PCDHA8: variants seen among roughly 807,000 people sequenced by gnomAD.
The protein encoded by PCDHA8 is protocadherin alpha 8.
A neutral mutation model predicts 61.8 loss-of-function variants in PCDHA8; 53 were observed. That is an observed-to-expected ratio of 0.86 (90% CI 0.69 to 1.08). The LOEUF (loss-of-function observed/expected upper bound fraction) is 1.08, where lower values mean the gene tolerates loss of function less well. Ranked by LOEUF, PCDHA8 falls within the 50% of genes least tolerant of loss-of-function variation. The pLI, the probability that PCDHA8 is intolerant of heterozygous loss-of-function variation, is 0.00. For missense variants in PCDHA8, 1,293 were observed against 1,245.0 expected (o/e 1.04, Z -0.58); for synonymous variants, 618 against 556.6 (o/e 1.11, Z -1.55).
At position 140,855,056 on chromosome 5, in the gene PCDHA8, G is replaced by A. The variant is rs1045590902; in HGVS notation, c.2394+11341G>A. The stretch of plus-strand genomic sequence containing the variant: ...GATTTTTCTGTAATAGTACTTTTCT[G>A]TTTTCTTAAATACAGAAACCACCAC... On this transcript the variant is annotated intron_variant, in intron 1 of 3. Coordinates refer to ENST00000531613, the MANE Select transcript of PCDHA8 (RefSeq NM_018911.3). Among the ~76,000 whole-genome samples, 11 of 149,630 alleles carry A rather than the reference G, an allele frequency of 7.4e-5. 2 individuals are homozygous for A. The highest frequency in any genetic ancestry group is 1.6e-4 in the Non-Finnish European group (11 of 66,976).
At position 140,843,459 on chromosome 5, in the gene PCDHA8, T is replaced by C. The variant is rs2150360511; in HGVS notation, c.2138T>C (p.Leu713Pro). The change falls in exon 1 of 4, where the codon CTC (leucine) becomes CCC (proline). Residue 713 changes from leucine (L) to proline (P), a missense_variant. Leu to Pro is a moderately conservative substitution (Grantham distance 98, BLOSUM62 -3). Transcript: ENST00000531613. ...TGCGCGGTATCCAGCCTGCTGGTGC[T>C]CACGCTGCTGCTGTACACTGCGCTG... is the stretch of plus-strand genomic sequence containing the variant. ...AICAVSSLLV[L>P]TLLLYTALRC... 4 of 1,596,020 alleles carry C rather than the reference T, an allele frequency of 2.5e-6. No homozygotes were observed. The highest frequency in any genetic ancestry group is 3.4e-6 in the Non-Finnish European group (4 of 1,165,608).
chr5:140,929,443 T>C, intron 1 of PCDHA8: 1 of 1,426,882 alleles, frequency 7.0e-7, no homozygotes, highest in Non-Finnish European at 9.3e-7. Flanking sequence ...AAACACTCCT[T>C]CTTAGCACTT....
rs185799175 is a variant in PCDHA8, at chr5:140,887,220, C to G, written c.2394+43505C>G. ...CACGCCATTCTCCTGCCTCAGCCTC[C>G]CGAGTAGCTGAGACTACCGGCGCCC... On this transcript the variant is annotated intron_variant, in intron 1 of 3. Coordinates refer to ENST00000531613, the MANE Select transcript of PCDHA8 (RefSeq NM_018911.3). Among the ~76,000 whole-genome samples, 14 of 152,078 alleles carry G rather than the reference C, an allele frequency of 9.2e-5. No individual in the cohort carries two copies. In the East Asian group the frequency reaches 2.7e-3, roughly 30 times the overall value.
At chr5:140,952,380 G>A (rs246035) in intron 1 of PCDHA8, among the ~76,000 whole-genome samples, 85,175 of 151,100 alleles carry the variant, frequency 0.56, 24,638 homozygotes, top group African/African-American at 0.69. Flanking sequence ...CCTCTGCCAG[G>A]TACCCTAAAC....
chr5:140,869,998 G>A (rs782322898), intron 1 of PCDHA8: 1 of 1,613,436 alleles, frequency 6.2e-7, no homozygotes. Context: ...TCAAAATAAT[G>A]GAGAAGTGAG....
intron 1 of PCDHA8, chr5:140,857,005 A>C: frequency 6.3e-7 from 1 of 1,595,528 alleles, no homozygotes; most frequent in East Asian, 2.2e-5. Context: ...AAATTCATGT[A>C]GATGTTACAG....
intron 1 of PCDHA8, among the ~76,000 whole-genome samples, chr5:140,915,001 AGT>A (rs1563002922): frequency 6.9e-6 from 1 of 144,988 alleles, no homozygotes; most frequent in Non-Finnish European, 1.5e-5. Flanking sequence ...GCTGGAGTGC[AGT>A]GGCCTGATCT....
chr5:140,917,039 A>G (rs1279228933), intron 1 of PCDHA8, among the ~76,000 whole-genome samples: 1 of 152,132 alleles, frequency 6.6e-6, no homozygotes, highest in African/African-American at 2.4e-5. Flanking sequence ...TGAGTCCAGC[A>G]CAGTGTTGTT....
chr5:140,843,503 A>C lies in PCDHA8; in HGVS notation c.2182A>C (p.Thr728Pro). The change falls in exon 1 of 4, where the codon ACT (threonine) becomes CCT (proline). Residue 728 changes from threonine (T) to proline (P), a missense_variant. By Grantham distance (38) the Thr-to-Pro change is conservative (BLOSUM62 -1). Coordinates refer to ENST00000531613, the MANE Select transcript of PCDHA8 (RefSeq NM_018911.3). ...YTALRCSALP[T>P]EGGCRAGKPT... is the part of the protein sequence containing the mutation. ...TGCGCTGCGGTGCTCAGCACTGCCC[A>C]CTGAGGGCGGGTGCCGGGCGGGCAA... The C allele has an allele frequency of 6.3e-7, 1 of 1,595,796 alleles. No individual in the cohort carries two copies.
chr5:140,928,082 T>G, intron 1 of PCDHA8: 1 of 1,614,212 alleles, frequency 6.2e-7, no homozygotes, highest in Non-Finnish European at 8.5e-7. Context: ...TACTACAGCC[T>G]GCTGATTGAT....
chr5:140,845,497 T>C (rs1779898146), intron 1 of PCDHA8, among the ~76,000 whole-genome samples: 1 of 149,728 alleles, frequency 6.7e-6, no homozygotes, highest in African/African-American at 2.4e-5. Context: ...AGTGAGAAAG[T>C]CTAAACCTAT....
intron 1 of PCDHA8, chr5:140,870,541 G>A: frequency 1.2e-6 from 2 of 1,614,136 alleles, no homozygotes; most frequent in Non-Finnish European, 8.5e-7. Flanking sequence ...GTCGGCGCGG[G>A]ACGCGGACGC....
At position 140,877,378 on chromosome 5, in the gene PCDHA8, A is replaced by G; in HGVS notation, c.2394+33663A>G. 2 of 1,613,974 alleles carry G rather than the reference A, an allele frequency of 1.2e-6. No individual in the cohort carries two copies. Among genetic ancestry groups the G allele is most frequent in the South Asian group, 1.1e-5 (1 of 91,086 alleles). On this transcript the variant is annotated intron_variant, in intron 1 of 3. Transcript: ENST00000531613. ...CACTGGCGAGATCAGCACGACACGC[A>G]TCCTGGATGAGGCGGACGCTCCGCG...
At chr5:141,005,436 G>T (rs1554260042) in intron 3 of PCDHA8, among the ~76,000 whole-genome samples, 2 of 152,080 alleles carry the variant, frequency 1.3e-5, no homozygotes, top group East Asian at 1.9e-4. Flanking sequence ...TGGATGAGAG[G>T]CTCACGCCTG....
intron 1 of PCDHA8, chr5:140,858,104 G>T: frequency 6.3e-7 from 1 of 1,597,736 alleles, no homozygotes; most frequent in Non-Finnish European, 8.6e-7. Context: ...AGTGGGCGTG[G>T]CGCCCGAGGT....
At chr5:140,857,330 G>A in intron 1 of PCDHA8, 1 of 1,598,660 alleles carries the variant, frequency 6.3e-7, no homozygotes, top group South Asian at 1.1e-5. Context: ...GACCGCGCGG[G>A]ACGGGGGCTC....
At chr5:140,938,887 A>ACG (rs2092246756) in intron 1 of PCDHA8, among the ~76,000 whole-genome samples, 1 of 152,094 alleles carries the variant, frequency 6.6e-6, no homozygotes, top group South Asian at 2.1e-4. Flanking sequence ...ACACACACAC[A>ACG]CACAGATGCG....
chr5:140,884,577 T>G, intron 1 of PCDHA8: 1 of 1,614,230 alleles, frequency 6.2e-7, no homozygotes, highest in Non-Finnish European at 8.5e-7. Context: ...ACGGACCTCA[T>G]GGCCTTCAGT....
At chr5:140,878,028 G>A in intron 1 of PCDHA8, 1 of 666,892 alleles carries the variant, frequency 1.5e-6, no homozygotes, top group Non-Finnish European at 2.2e-6. Context: ...AAATATGTAG[G>A]TACAATGGAG....
Sources: allele counts gnomAD v4.1 joint callset (sites outside exome capture counted in the v4.1 genomes callset), GRCh38; gene constraint gnomAD v4.1.1; transcripts MANE v1.5; gene names NCBI Gene and HGNC (gene_info 2026-07-23, HGNC 2026-07-21).